Variants in RFTN1 observed in about 807,000 individuals in gnomAD.
The protein encoded by RFTN1 is raftlin.
Under a neutral mutation model 46.5 loss-of-function variants are expected in RFTN1, and 26 were observed. That is an observed-to-expected ratio of 0.56 (90% CI 0.41 to 0.78). RFTN1 has a LOEUF of 0.78. Ranked by LOEUF, RFTN1 falls within the 30% of genes least tolerant of loss-of-function variation. The pLI, the probability that RFTN1 is intolerant of heterozygous loss-of-function variation, is 0.00. For missense variants in RFTN1, 693 were observed against 718.7 expected (o/e 0.96, Z 0.41); for synonymous variants, 261 against 284.2 (o/e 0.92, Z 0.82).
chr3:16,463,960 C>T (rs2076048142), intron 2 of RFTN1, among the ~76,000 whole-genome samples: 2 of 152,150 alleles, frequency 1.3e-5, no homozygotes, highest in Admixed American at 6.5e-5. Context: ...TCACTGAGAG[C>T]CTGGTGTGTT....
intron 7 of RFTN1, among the ~76,000 whole-genome samples, chr3:16,340,362 G>GA (rs1197026273): frequency 6.6e-6 from 1 of 152,214 alleles, no homozygotes; most frequent in Non-Finnish European, 1.5e-5. Context: ...TTAGCTTACT[G>GA]AATGTTAAGA....
rs553634069 is a variant in RFTN1 at position 16,413,938 on chromosome 3, G to C, written c.333-4455C>G. On this transcript the variant is annotated intron_variant, in intron 3 of 9. Transcript: ENST00000334133. This position sits in a 1 kb window ranked among gnomAD's most constrained non-coding sequence, Gnocchi z 4.7. ...TCACTAATGAATGGGATATTATACG[G>C]AGCTACCTCTTAACATTGCTGTAAG... 2.6e-5 allele frequency among the ~76,000 whole-genome samples: 4 copies of C among 152,290 alleles called. No individual in the cohort carries two copies. Among genetic ancestry groups the C allele is most frequent in the African/African-American group, 9.6e-5 (4 of 41,572 alleles).
At chr3:16,508,676 G>A (rs2076849264) in intron 1 of RFTN1, among the ~76,000 whole-genome samples, 1 of 142,114 alleles carries the variant, frequency 7.0e-6, no homozygotes, top group Admixed American at 7.3e-5. Context: ...AATGTGAATG[G>A]AAGGAAAGAT....
chr3:16,363,582 CTG>C (rs1450297483), intron 6 of RFTN1, among the ~76,000 whole-genome samples: 12 of 152,252 alleles, frequency 7.9e-5, no homozygotes, highest in Admixed American at 5.9e-4. Context: ...GACATTAAGA[CTG>C]TCTATATCAA....
chr3:16,359,015 G>A (rs1169983530), intron 6 of RFTN1, among the ~76,000 whole-genome samples: 2 of 135,540 alleles, frequency 1.5e-5, no homozygotes, highest in Non-Finnish European at 3.1e-5. Context: ...CTGGGTGACA[G>A]AGCGAGATTC....
rs2073967090 is a variant in RFTN1 at position 16,380,864 on chromosome 3, G to A, written c.442-2762C>T. Among the ~76,000 whole-genome samples, 1 of 152,184 alleles carries A rather than the reference G, an allele frequency of 6.6e-6. No individual in the cohort carries two copies. The highest frequency in any genetic ancestry group is 2.4e-5 in the African/African-American group (1 of 41,420). Reference sequence around the variant, plus strand: ...CTCAATAAATATCTGTTGAATGAATGAATATATTAAATAATGGATGAATAT... The same window carrying A: ...CTCAATAAATATCTGTTGAATGAATAAATATATTAAATAATGGATGAATAT... On this transcript the variant is annotated intron_variant, in intron 4 of 9. Transcript: ENST00000334133. This position sits in a 1 kb window ranked among gnomAD's most constrained non-coding sequence, Gnocchi z 4.8.
chr3:16,429,143 G>A lies in RFTN1; in HGVS notation c.332+4708C>T, dbSNP rs563224810. On this transcript the variant is annotated intron_variant, in intron 3 of 9. Coordinates refer to ENST00000334133, the MANE Select transcript of RFTN1 (RefSeq NM_015150.2). This position sits in a 1 kb window ranked among gnomAD's most constrained non-coding sequence, Gnocchi z 6.4. Reference sequence around the variant, plus strand: ...TAGAATTAAGAACAGTTTACAGTTAGATGTGTGGCTAGGCCTGCCATGGTA... The same window carrying A: ...TAGAATTAAGAACAGTTTACAGTTAAATGTGTGGCTAGGCCTGCCATGGTA... Among the ~76,000 whole-genome samples, 30 of 150,038 alleles carry A rather than the reference G, an allele frequency of 2.0e-4. No individual in the cohort carries two copies. Among genetic ancestry groups the A allele is most frequent in the African/African-American group, 6.8e-4 (28 of 41,386 alleles).
At chr3:16,318,971 A>C (rs2068737312) in intron 9 of RFTN1, among the ~76,000 whole-genome samples, 1 of 152,178 alleles carries the variant, frequency 6.6e-6, no homozygotes, top group Non-Finnish European at 1.5e-5. Context: ...TCGAGGCTCC[A>C]AACCCACCAG....
rs2075336033 is a variant in RFTN1 at position 16,428,996 on chromosome 3, T to C, written c.332+4855A>G. On this transcript the variant is annotated intron_variant, in intron 3 of 9. Coordinates refer to ENST00000334133, the MANE Select transcript of RFTN1 (RefSeq NM_015150.2). This position sits in a 1 kb window ranked among gnomAD's most constrained non-coding sequence, Gnocchi z 4.7. Reference sequence around the variant, plus strand: ...ATCACTAAGTGTTCCAAAGAAAGAGTTGAGAAAATGAAGTACAAACTCTCT... The same window carrying C: ...ATCACTAAGTGTTCCAAAGAAAGAGCTGAGAAAATGAAGTACAAACTCTCT... 2.0e-5 allele frequency among the ~76,000 whole-genome samples: 3 copies of C among 152,244 alleles called. No individual in the cohort carries two copies. Among genetic ancestry groups the C allele is most frequent in the South Asian group, 4.1e-4 (2 of 4,826 alleles).
Position 16,506,211 on chromosome 3 carries a change from A to T in RFTN1, c.-9+7231T>A, listed in dbSNP as rs975535835. Among the ~76,000 whole-genome samples, 1 of 152,134 alleles carries T rather than the reference A, an allele frequency of 6.6e-6. No homozygotes were observed. The highest frequency in any genetic ancestry group is 2.4e-5 in the African/African-American group (1 of 41,418). ...AAATCATGAGGAAGGCCACAGAGCG[A>T]GCCATGGGATAAGGGGGAGGGTGGG... On this transcript the variant is annotated intron_variant, in intron 1 of 9. Coordinates refer to ENST00000334133, the MANE Select transcript of RFTN1 (RefSeq NM_015150.2). The surrounding 1 kb of genome is among the most constrained non-coding windows in gnomAD (Gnocchi z 4.8).
chr3:16,477,949 A>G (rs2076309105), intron 2 of RFTN1, among the ~76,000 whole-genome samples: 1 of 152,242 alleles, frequency 6.6e-6, no homozygotes, highest in Admixed American at 6.5e-5. Flanking sequence ...AAAACATGCT[A>G]AGCATGTGTC....
chr3:16,512,477 C>T lies in RFTN1; in HGVS notation c.-9+965G>A, dbSNP rs1394622795. Among the ~76,000 whole-genome samples the T allele has an allele frequency of 1.3e-5, 2 of 151,622 alleles. No individual in the cohort carries two copies. Among genetic ancestry groups the T allele is most frequent in the Non-Finnish European group, 2.9e-5 (2 of 68,006 alleles). ...TTAAGCCCCCGAAGAAACTCACTGA[C>T]ACCACCCAGCGTCCCTAGGGATCAC... On this transcript the variant is annotated intron_variant, in intron 1 of 9. Transcript: ENST00000334133. This position sits in a 1 kb window ranked among gnomAD's most constrained non-coding sequence, Gnocchi z 4.3.
chr3:16,419,631 C>T (rs1160180744), intron 3 of RFTN1, among the ~76,000 whole-genome samples: 1 of 152,148 alleles, frequency 6.6e-6, no homozygotes, highest in Admixed American at 6.5e-5. Flanking sequence ...ACCAAATCTA[C>T]ACAAATACAA....
chr3:16,508,016 T>G (rs530082629), intron 1 of RFTN1, among the ~76,000 whole-genome samples: 5 of 152,162 alleles, frequency 3.3e-5, no homozygotes, highest in African/African-American at 1.2e-4. Context: ...GTTGAAGAAG[T>G]GTGGAAACCT....
chr3:16,454,079 T>C (rs1032137963), intron 2 of RFTN1, among the ~76,000 whole-genome samples: 1 of 152,244 alleles, frequency 6.6e-6, no homozygotes, highest in Non-Finnish European at 1.5e-5. Context: ...CCACCAGATC[T>C]GAGCTTCCCT....
chr3:16,363,638 G>T (rs1209683901), intron 6 of RFTN1, among the ~76,000 whole-genome samples: 1 of 152,274 alleles, frequency 6.6e-6, no homozygotes, highest in African/African-American at 2.4e-5. Flanking sequence ...CTTCGCCAAA[G>T]TCTAGCCTGA....
chr3:16,454,286 A>T, intron 2 of RFTN1, among the ~76,000 whole-genome samples: 1 of 152,336 alleles, frequency 6.6e-6, no homozygotes, highest in Middle Eastern at 3.4e-3. Flanking sequence ...TTCACAGTCC[A>T]TCTATGGAGT....
intron 2 of RFTN1, among the ~76,000 whole-genome samples, chr3:16,453,065 G>A (rs991126090): frequency 6.6e-6 from 1 of 152,096 alleles, no homozygotes. Context: ...TGCTTTACAA[G>A]CATCCTTGCT....
Position 16,337,554 on chromosome 3 carries a change from C to T in RFTN1, c.1147-10678G>A, listed in dbSNP as rs2070973939. On this transcript the variant is annotated intron_variant, in intron 7 of 9. Transcript: ENST00000334133. This position sits in a 1 kb window ranked among gnomAD's most constrained non-coding sequence, Gnocchi z 5.0. The stretch of plus-strand genomic sequence containing the variant: ...GTCAGGAGATCGAGACCACCCTGGC[C>T]AACATGGTGAAACCTCGTCTCTACT... Among the ~76,000 whole-genome samples, 1 of 151,854 alleles carries T rather than the reference C, an allele frequency of 6.6e-6. No individual in the cohort carries two copies. Among genetic ancestry groups the T allele is most frequent in the East Asian group, 1.9e-4 (1 of 5,142 alleles).
Sources: gnomAD v4.1 joint callset for allele counts (sites outside exome capture counted in the v4.1 genomes callset) on GRCh38, gnomAD v4.1.1 for gene constraint, Gnocchi (gnomAD v3.1) non-coding constraint, MANE v1.5 for transcripts, NCBI Gene and HGNC (gene_info 2026-07-23, HGNC 2026-07-21) for gene names.